Variants in HS6ST2 observed in about 807,000 individuals in gnomAD.
HS6ST2 encodes heparan-sulfate 6-O-sulfotransferase 2.
Under a neutral mutation model 33.0 loss-of-function variants are expected in HS6ST2, and 17 were observed. The observed-to-expected ratio is 0.52, with a 90% CI of 0.35 to 0.77. HS6ST2 has a LOEUF of 0.77. Ranked by LOEUF, HS6ST2 falls within the 30% of genes least tolerant of loss-of-function variation. The probability of loss-of-function intolerance (pLI) is 0.01; values close to 1 mark genes in which losing one functional copy is unlikely to be tolerated. For synonymous variants in HS6ST2, 248 were observed against 237.1 expected (o/e 1.05, Z -0.42); for missense variants, 519 against 551.7 (o/e 0.94, Z 0.59).
intron 2 of HS6ST2, among the ~76,000 whole-genome samples, chrX:132,734,620 A>G (rs767213857): frequency 1.4e-4 from 16 of 111,479 alleles, no homozygotes; most frequent in Non-Finnish European, 2.3e-4. Flanking sequence ...CTTCCTTTAG[A>G]TTCCTGGTTG....
At chrX:132,950,918 A>C in intron 2 of HS6ST2, among the ~76,000 whole-genome samples, 1 of 111,338 alleles carries the variant, frequency 9.0e-6, no homozygotes. Flanking sequence ...TGCAGCTATC[A>C]CTTAAATAAC....
chrX:132,927,343 C>T (rs2066719605), intron 2 of HS6ST2, among the ~76,000 whole-genome samples: 1 of 111,540 alleles, frequency 9.0e-6, no homozygotes, highest in Non-Finnish European at 1.9e-5. Context: ...CCCCTTCACA[C>T]AGAAGCCAGA....
chrX:132,878,727 A>G (rs2066133317), intron 2 of HS6ST2, among the ~76,000 whole-genome samples: 1 of 111,944 alleles, frequency 8.9e-6, no homozygotes, highest in Non-Finnish European at 1.9e-5. Flanking sequence ...TTTGGAATAT[A>G]AATAATCATA....
intron 2 of HS6ST2, among the ~76,000 whole-genome samples, chrX:132,832,197 T>C (rs772900323): frequency 8.9e-6 from 1 of 112,121 alleles, no homozygotes; most frequent in Admixed American, 9.5e-5. Flanking sequence ...TGATAAAAGC[T>C]AATATAAATA....
At chrX:132,934,491 G>A (rs1385919886) in intron 2 of HS6ST2, among the ~76,000 whole-genome samples, 3 of 111,959 alleles carry the variant, frequency 2.7e-5, no homozygotes, top group Non-Finnish European at 5.6e-5. Flanking sequence ...GAGAGAAGAA[G>A]AAACAGAGCT....
At chrX:132,683,854 T>A (rs1476766579) in intron 3 of HS6ST2, among the ~76,000 whole-genome samples, 2 of 110,769 alleles carry the variant, frequency 1.8e-5, no homozygotes, top group Non-Finnish European at 3.8e-5. Flanking sequence ...CAGAGCACTA[T>A]TTTTTATAGT....
At chrX:132,816,512 T>A (rs2065396173) in intron 2 of HS6ST2, among the ~76,000 whole-genome samples, 1 of 111,686 alleles carries the variant, frequency 9.0e-6, no homozygotes. Flanking sequence ...GGGTAGGGAA[T>A]GATTGTCAAT....
chrX:132,870,398 A>G (rs764485341), intron 2 of HS6ST2, among the ~76,000 whole-genome samples: 12 of 112,072 alleles, frequency 1.1e-4, no homozygotes, highest in African/African-American at 3.6e-4. Context: ...GGCTTTCTTC[A>G]CAGAATTGGA....
intron 2 of HS6ST2, among the ~76,000 whole-genome samples, chrX:132,715,775 A>G (rs978435131): frequency 2.7e-5 from 3 of 112,575 alleles, no homozygotes; most frequent in Non-Finnish European, 5.6e-5. Context: ...GAAAACAACC[A>G]TAAAAGACCC....
At chrX:132,953,361 GCT>G (rs3033785) in intron 2 of HS6ST2, among the ~76,000 whole-genome samples, 12,131 of 106,137 alleles carry the variant, frequency 0.11, 1,709 homozygotes, top group African/African-American at 0.39. Context: ...CACCAGCCAA[GCT>G]CTCTCTCTCT....
chrX:132,675,909 C>A (rs192210235), intron 3 of HS6ST2, among the ~76,000 whole-genome samples: 79 of 110,890 alleles, frequency 7.1e-4, no homozygotes, highest in African/African-American at 2.5e-3. Flanking sequence ...CCTCTCTTAG[C>A]ATCCTTGGTT....
chrX:132,766,818 T>A (rs2064852285), intron 2 of HS6ST2, among the ~76,000 whole-genome samples: 1 of 112,240 alleles, frequency 8.9e-6, no homozygotes, highest in South Asian at 3.7e-4. Flanking sequence ...GCACTTACCA[T>A]GTTCCAGTGA....
chrX:132,664,218 A>G (rs1401434804), intron 4 of HS6ST2, among the ~76,000 whole-genome samples: 1 of 111,330 alleles, frequency 9.0e-6, no homozygotes, highest in Non-Finnish European at 1.9e-5. Context: ...ACTGTGTTAG[A>G]CAGGGTGGTC....
In HS6ST2 at chrX:132,872,092, G is replaced by A. The variant is rs148079947; in HGVS notation, c.947+84716C>T. On this transcript the variant is annotated intron_variant, in intron 2 of 4. Coordinates refer to ENST00000370833, the MANE Select transcript of HS6ST2 (RefSeq NM_001394073.1). ...ATTAGTTGGTATGTGCTAAAGACAT[G>A]AGCACATTCCAGTATTATTCTGGGG... 4.1e-4 allele frequency among the ~76,000 whole-genome samples: 46 copies of A among 111,103 alleles called. No individual in the cohort carries two copies. In the East Asian group the frequency reaches 0.012, roughly 29 times the overall value.
At chrX:132,699,479 T>C (rs1744041425) in intron 3 of HS6ST2, among the ~76,000 whole-genome samples, 1 of 112,225 alleles carries the variant, frequency 8.9e-6, no homozygotes. Flanking sequence ...TTAAATCACA[T>C]GGCTCTTCAA....
Position 132,709,504 on chromosome X carries a change from G to A in HS6ST2, c.948-1010C>T, listed in dbSNP as rs753089744. On this transcript the variant is annotated intron_variant, in intron 2 of 4. Coordinates refer to ENST00000370833, the MANE Select transcript of HS6ST2 (RefSeq NM_001394073.1). ...CTCTTTTATTATCAGTCTCTGGTGC[G>A]GTTAAGCCCCCTTTCCCTGTTTCTG... Among the ~76,000 whole-genome samples the A allele has an allele frequency of 5.4e-5, 6 of 110,769 alleles. No homozygotes were observed. In the South Asian group the frequency reaches 1.9e-3, roughly 36 times the overall value.
At chrX:132,657,555 G>GCCC (rs2063739971) in intron 4 of HS6ST2, among the ~76,000 whole-genome samples, 1 of 109,607 alleles carries the variant, frequency 9.1e-6, no homozygotes, top group Non-Finnish European at 1.9e-5. Context: ...TCCCCCCAAA[G>GCCC]TTACTGAAAA....
At chrX:132,681,588 CAGCCTGAGCAACATGGGG>C (rs1323551957) in intron 3 of HS6ST2, among the ~76,000 whole-genome samples, 30 of 111,645 alleles carry the variant, frequency 2.7e-4, no homozygotes, top group African/African-American at 9.5e-4. Context: ...AGTTTGAGAC[CAGCCTGAGCAACATGGGG>C]AGACCCCTGT....
At chrX:132,689,870 T>C (rs926596896) in intron 3 of HS6ST2, among the ~76,000 whole-genome samples, 2 of 91,887 alleles carry the variant, frequency 2.2e-5, no homozygotes, top group African/African-American at 8.8e-5. Flanking sequence ...TCTTAAAACA[T>C]TATGAGATTT....
Sources: allele counts gnomAD v4.1 joint callset (sites outside exome capture counted in the v4.1 genomes callset), GRCh38; gene constraint gnomAD v4.1.1; transcripts MANE v1.5; gene names NCBI Gene and HGNC (gene_info 2026-07-23, HGNC 2026-07-21).